ORC4: variants seen among roughly 807,000 people sequenced by gnomAD.
The protein encoded by ORC4 is origin recognition complex subunit 4, also known as origin recognition complex, subunit 4 homolog.
In ORC4, 55 loss-of-function variants were observed where a neutral mutation model predicts 63.9. That is an observed-to-expected ratio of 0.86 (90% CI 0.69 to 1.08). ORC4 has a LOEUF of 1.08. Among genes scored for constraint, ORC4 ranks in the 50% least tolerant of loss-of-function variants. The pLI, the probability that ORC4 is intolerant of heterozygous loss-of-function variation, is 0.00. For missense variants in ORC4, 511 were observed against 504.4 expected, an observed-to-expected ratio of 1.01 and a Z score of -0.13; for synonymous variants, 150 against 168.5, an observed-to-expected ratio of 0.89 and a Z score of 0.85.
intron 1 of ORC4, among the ~76,000 whole-genome samples, chr2:147,976,707 T>C (rs1441756015): frequency 6.6e-6 from 1 of 152,194 alleles, no homozygotes; most frequent in Admixed American, 6.5e-5. Flanking sequence ...CTAGGTTAAA[T>C]GCCTCTTCCT....
intron 1 of ORC4, among the ~76,000 whole-genome samples, chr2:147,998,322 T>C (rs1692097043): frequency 6.6e-6 from 1 of 152,172 alleles, no homozygotes; most frequent in African/African-American, 2.4e-5. Context: ...ATGTGGAAAT[T>C]TGAACCCCAG....
intron 1 of ORC4, among the ~76,000 whole-genome samples, chr2:147,998,613 T>C (rs1692120701): frequency 6.6e-6 from 1 of 152,226 alleles, no homozygotes; most frequent in African/African-American, 2.4e-5. Context: ...GCCAGGTCTA[T>C]GCTCTTGAAC....
chr2:147,972,333 GAA>G (rs1690264686), intron 4 of ORC4, among the ~76,000 whole-genome samples: 1 of 151,962 alleles, frequency 6.6e-6, no homozygotes, highest in Non-Finnish European at 1.5e-5. Context: ...ATAACAAAGG[GAA>G]AAACCCTACC....
rs985047941 is a variant in ORC4, at chr2:148,013,250, A to C, written c.-18+7383T>G. Among the ~76,000 whole-genome samples, 3 of 150,228 alleles carry C rather than the reference A, an allele frequency of 2.0e-5. No homozygotes were observed. In the South Asian group the frequency reaches 6.2e-4, roughly 31 times the overall value. Reference sequence around the variant, plus strand: ...CACAATGGAATGTTATTCAGCCATAAAAAAAAAATGAAATCCTGTCATTTT... The same window carrying C: ...CACAATGGAATGTTATTCAGCCATACAAAAAAAATGAAATCCTGTCATTTT... On this transcript the variant is annotated intron_variant, in intron 1 of 13. Transcript: ENST00000392857.
intron 1 of ORC4, chr2:147,981,970 T>A (rs1690916074): frequency 6.6e-6 from 1 of 152,224 alleles, no homozygotes; most frequent in Non-Finnish European, 1.5e-5. Context: ...TAACAGGTCC[T>A]TAGCTGAGCC....
intron 4 of ORC4, among the ~76,000 whole-genome samples, chr2:147,968,628 A>T (rs1690034385): frequency 6.6e-6 from 1 of 152,052 alleles, no homozygotes. Context: ...CAGAAAAACA[A>T]AAAATAATAA....
chr2:147,944,753 TTA>T (rs769832278), intron 9 of ORC4, among the ~76,000 whole-genome samples: 6 of 151,420 alleles, frequency 4.0e-5, no homozygotes, highest in African/African-American at 1.2e-4. Context: ...AGAGCTGTAA[TTA>T]TATGTCTTTA....
At chr2:147,996,141 T>A (rs1237615598) in intron 1 of ORC4, among the ~76,000 whole-genome samples, 1 of 152,054 alleles carries the variant, frequency 6.6e-6, no homozygotes, top group East Asian at 1.9e-4. Context: ...CCGTCTCTAC[T>A]AAAAATTCAA....
rs1407124440 is a variant in ORC4 at position 148,011,761 on chromosome 2, T to C, written c.-18+8872A>G. Among the ~76,000 whole-genome samples, 8 of 152,194 alleles carry C rather than the reference T, an allele frequency of 5.3e-5. No homozygotes were observed. The East Asian group carries it at 1.5e-3, about 29-fold the overall frequency. ...ATTAGAACTAATAAATTCAGTAACATTGCAGAATACAAAATCAACACACAA... is the reference window on the plus strand; with the variant it reads ...ATTAGAACTAATAAATTCAGTAACACTGCAGAATACAAAATCAACACACAA... On this transcript the variant is annotated intron_variant, in intron 1 of 13. Coordinates refer to ENST00000392857, the MANE Select transcript of ORC4 (RefSeq NM_181741.4).
chr2:148,008,815 C>T (rs1692776774), intron 1 of ORC4, among the ~76,000 whole-genome samples: 1 of 152,156 alleles, frequency 6.6e-6, no homozygotes. Context: ...CAAATGTGCG[C>T]TCACCATTGT....
chr2:147,952,422 G>C lies in ORC4; in HGVS notation c.539C>G (p.Ser180Cys), dbSNP rs1336281999. The C allele has an allele frequency of 1.9e-6, 3 of 1,610,456 alleles. No homozygotes were observed. Among genetic ancestry groups the C allele is most frequent in the South Asian group, 1.1e-5 (1 of 90,998 alleles). ...QTLLYNLFDISQSAQTPIAVI... is the reference protein window; with the variant it reads ...QTLLYNLFDICQSAQTPIAVI... ...TGCTATTGGGGTCTGTGCAGACTGAGAAATGTCAAAAAGATTATAGAGAAG... is the reference window on the plus strand; with the variant it reads ...TGCTATTGGGGTCTGTGCAGACTGACAAATGTCAAAAAGATTATAGAGAAG... The change falls in exon 8 of 14, where the codon TCT (serine) becomes TGT (cysteine). Residue 180 changes from serine to cysteine, a missense_variant. By Grantham distance (112) the Ser-to-Cys change is moderately radical. Coordinates refer to ENST00000392857, the MANE Select transcript of ORC4 (RefSeq NM_181741.4).
At chr2:147,992,940 T>C (rs1872198) in intron 1 of ORC4, among the ~76,000 whole-genome samples, 70,857 of 151,944 alleles carry the variant, frequency 0.47, 16,948 homozygotes, top group East Asian at 0.62. Flanking sequence ...AAAAACTAAC[T>C]ATAAAGACAT....
chr2:148,010,057 G>C (rs945087248), intron 1 of ORC4, among the ~76,000 whole-genome samples: 4 of 152,082 alleles, frequency 2.6e-5, no homozygotes, highest in South Asian at 2.1e-4. Flanking sequence ...TGGAACTTTG[G>C]AAACTATACA....
At chr2:147,941,735 C>T (rs1688375394) in intron 10 of ORC4, among the ~76,000 whole-genome samples, 1 of 151,722 alleles carries the variant, frequency 6.6e-6, no homozygotes, top group Non-Finnish European at 1.5e-5. Context: ...ATTGACAATA[C>T]TGAGGCAGAG....
At chr2:147,992,515 A>C (rs1364823619) in intron 1 of ORC4, among the ~76,000 whole-genome samples, 1 of 152,192 alleles carries the variant, frequency 6.6e-6, no homozygotes, top group Admixed American at 6.5e-5. Flanking sequence ...GCACATGTAG[A>C]CAAATTTTCC....
intron 9 of ORC4, among the ~76,000 whole-genome samples, chr2:147,946,006 C>T (rs2105280034): frequency 6.6e-6 from 1 of 152,194 alleles, no homozygotes; most frequent in African/African-American, 2.4e-5. Flanking sequence ...ATGAAACTGA[C>T]TATTAAGACT....
intron 1 of ORC4, among the ~76,000 whole-genome samples, chr2:148,001,501 G>GC (rs1476637600): frequency 1.3e-5 from 2 of 152,106 alleles, no homozygotes; most frequent in African/African-American, 4.8e-5. Context: ...TTCATATCCA[G>GC]CCAAACTAAG....
chr2:147,988,008 G>A (rs1015781023), intron 1 of ORC4, among the ~76,000 whole-genome samples: 1 of 148,096 alleles, frequency 6.8e-6, no homozygotes, highest in Non-Finnish European at 1.5e-5. Flanking sequence ...AGCCAAGATA[G>A]AGCCACTGCA....
chr2:148,000,818 T>C (rs1051582589), intron 1 of ORC4, among the ~76,000 whole-genome samples: 1 of 152,120 alleles, frequency 6.6e-6, no homozygotes, highest in South Asian at 2.1e-4. Context: ...TTTAGAACTA[T>C]ACAAATGCTC....
Sources: gnomAD v4.1 joint callset for allele counts (sites outside exome capture counted in the v4.1 genomes callset) on GRCh38, gnomAD v4.1.1 for gene constraint, MANE v1.5 for transcripts, NCBI Gene and HGNC (gene_info 2026-07-23, HGNC 2026-07-21) for gene names.